The following GNG7 variants were observed in gnomAD, a reference collection of about 807,000 sequenced individuals.
GNG7 encodes the protein G protein subunit gamma 7.
GNG7 carries 1 observed loss-of-function variant against 4.0 expected under a neutral mutation model. That is an observed-to-expected ratio of 0.25 (90% confidence interval 0.09 to 1.18). GNG7 has a LOEUF of 1.18. Among genes scored for constraint, GNG7 ranks in the 50% most tolerant of loss-of-function variants. The pLI is 0.50. For missense variants in GNG7, 86 were observed against 91.9 expected (o/e 0.94, Z 0.26); for synonymous variants, 34 against 36.9 (o/e 0.92, Z 0.29).
At chr19:2,665,602 G>A (rs1345743138) in intron 1 of GNG7, among the ~76,000 whole-genome samples, 1 of 152,230 alleles carries the variant, frequency 6.6e-6, no homozygotes, top group Non-Finnish European at 1.5e-5. Flanking sequence ...CCAAGGTGGA[G>A]TGCTGGACAA....
At position 2,554,005 on chromosome 19, in the gene GNG7, ATATAT is replaced by A. The variant is rs1237967223; in HGVS notation, c.-38+1139_-38+1143del. Among the ~76,000 whole-genome samples the A allele has an allele frequency of 8.2e-5, 12 of 146,684 alleles. No homozygotes were observed. The East Asian group carries it at 1.2e-3, about 14-fold the overall frequency. ...TATGTAATATATATTACACATATGT[ATATAT>A]TATATGTATATATGTATACACAGTG... On this transcript the variant is annotated intron_variant, in intron 3 of 4. Coordinates refer to ENST00000382159, the MANE Select transcript of GNG7 (RefSeq NM_052847.3).
chr19:2,649,390 A>AATTATTATTATTATT (rs142328153), intron 1 of GNG7, among the ~76,000 whole-genome samples: 127 of 145,840 alleles, frequency 8.7e-4, no homozygotes, highest in South Asian at 4.0e-3. Flanking sequence ...CACCCCTAGG[A>AATTATTATTATTATT]ATTATTATTA....
intron 2 of GNG7, among the ~76,000 whole-genome samples, chr19:2,583,414 C>T (rs956426248): frequency 6.6e-6 from 1 of 152,292 alleles, no homozygotes; most frequent in South Asian, 2.1e-4. Context: ...GTCTTGCAGC[C>T]GTCTTCATGG....
intron 1 of GNG7, among the ~76,000 whole-genome samples, chr19:2,675,777 G>A (rs529551436): frequency 3.3e-5 from 5 of 152,298 alleles, no homozygotes; most frequent in Admixed American, 6.5e-5. Context: ...CAGGGACACT[G>A]CTCAGCACCC....
At chr19:2,606,384 G>A (rs982751044) in intron 2 of GNG7, among the ~76,000 whole-genome samples, 2 of 152,082 alleles carry the variant, frequency 1.3e-5, no homozygotes, top group Admixed American at 6.6e-5. Context: ...GCCAGGTGCA[G>A]TGGCTCATGC....
chr19:2,653,641 G>C lies in GNG7; in HGVS notation c.-134-7361C>G, dbSNP rs1982887156. On this transcript the variant is annotated intron_variant, in intron 1 of 4. Coordinates refer to ENST00000382159, the MANE Select transcript of GNG7 (RefSeq NM_052847.3). This position sits in a 1 kb window ranked among gnomAD's most constrained non-coding sequence, Gnocchi z 4.8. ...CTGGGGTGGGGCTGTCCTGGGCACT[G>C]CGGGGAGCTGAGCAGCGTCCCTGGC... Among the ~76,000 whole-genome samples, 4 of 152,194 alleles carry C rather than the reference G, an allele frequency of 2.6e-5. No homozygotes were observed.
intron 2 of GNG7, among the ~76,000 whole-genome samples, chr19:2,574,736 C>A (rs1304666839): frequency 6.6e-6 from 1 of 152,060 alleles, no homozygotes; most frequent in Non-Finnish European, 1.5e-5. Context: ...TGGGGTCTAT[C>A]CCCAGGAGTG....
At chr19:2,690,542 C>A (rs761856154) in intron 1 of GNG7, among the ~76,000 whole-genome samples, 6 of 152,110 alleles carry the variant, frequency 3.9e-5, no homozygotes, top group African/African-American at 1.2e-4. Flanking sequence ...TTCTAAGATT[C>A]TCTGATTACA....
rs73516638 is a variant in GNG7 at position 2,527,331 on chromosome 19, G to A, written c.-37-6606C>T. On this transcript the variant is annotated intron_variant, in intron 3 of 4. Transcript: ENST00000382159. ...TCACTCAGACGGCACCACTCCCACC[G>A]GCCCTCATCTGGGGGTGCAGAGGGA... Among the ~76,000 whole-genome samples the A allele has an allele frequency of 9.8e-3, 1,498 of 152,196 alleles. 23 individuals carry two copies. The highest frequency in any genetic ancestry group is 0.027 in the African/African-American group (1,131 of 41,514).
At chr19:2,580,038 C>A (rs961082754) in intron 2 of GNG7, among the ~76,000 whole-genome samples, 2 of 152,092 alleles carry the variant, frequency 1.3e-5, no homozygotes, top group African/African-American at 4.8e-5. Flanking sequence ...TTAAAAAAAA[C>A]CATTGCACCC....
At chr19:2,562,994 G>C (rs1455736842) in intron 2 of GNG7, among the ~76,000 whole-genome samples, 2 of 151,982 alleles carry the variant, frequency 1.3e-5, no homozygotes, top group South Asian at 4.1e-4. Context: ...GCCCAGGCTG[G>C]AGTGCAGTGG....
At chr19:2,592,948 A>T (rs1980894076) in intron 2 of GNG7, among the ~76,000 whole-genome samples, 1 of 139,062 alleles carries the variant, frequency 7.2e-6, no homozygotes. Context: ...GGAAGGAAGG[A>T]CGGAAGAAAG....
intron 3 of GNG7, among the ~76,000 whole-genome samples, chr19:2,553,879 T>C (rs1347238347): frequency 1.4e-5 from 2 of 146,990 alleles, no homozygotes; most frequent in East Asian, 1.9e-4. Context: ...ATTGCATACA[T>C]GTACATATTC....
At chr19:2,536,952 A>T (rs183472970) in intron 3 of GNG7, among the ~76,000 whole-genome samples, 11,820 of 108,496 alleles carry the variant, frequency 0.11, 551 homozygotes, top group Middle Eastern at 0.17. Flanking sequence ...TTTTATTTTT[A>T]TTTTTTTTTT....
intron 3 of GNG7, among the ~76,000 whole-genome samples, chr19:2,525,196 C>T (rs1328784100): frequency 1.3e-5 from 2 of 152,096 alleles, no homozygotes; most frequent in South Asian, 2.1e-4. Context: ...GGCCCGTGGC[C>T]CGGGGAAGCT....
At chr19:2,570,379 A>C (rs1320514617) in intron 2 of GNG7, among the ~76,000 whole-genome samples, 1 of 152,148 alleles carries the variant, frequency 6.6e-6, no homozygotes, top group Non-Finnish European at 1.5e-5. Context: ...ATAGCAACAC[A>C]AAACAGACTA....
At chr19:2,564,193 CT>C (rs1248019040) in intron 2 of GNG7, among the ~76,000 whole-genome samples, 1 of 152,130 alleles carries the variant, frequency 6.6e-6, no homozygotes, top group Non-Finnish European at 1.5e-5. Flanking sequence ...GAGATGGGGT[CT>C]CTGCAGATGG....
intron 2 of GNG7, among the ~76,000 whole-genome samples, chr19:2,571,992 C>G (rs769404884): frequency 6.6e-6 from 1 of 151,982 alleles, no homozygotes; most frequent in African/African-American, 2.4e-5. Context: ...GCCACATTGT[C>G]CCTCTCTCTT....
At chr19:2,656,029 C>CAAAAAAAAAAAAAAAAA (rs55687607) in intron 1 of GNG7, among the ~76,000 whole-genome samples, 1 of 98,084 alleles carries the variant, frequency 1.0e-5, no homozygotes, top group Non-Finnish European at 2.1e-5. Flanking sequence ...CGATTCAAAA[C>CAAAAAAAAAAAAAAAAA]AAAAAAAAAA....
Sources: allele counts gnomAD v4.1 joint callset (sites outside exome capture counted in the v4.1 genomes callset), GRCh38; gene constraint gnomAD v4.1.1; non-coding constraint Gnocchi (gnomAD v3.1); transcripts MANE v1.5; gene names NCBI Gene and HGNC (gene_info 2026-07-23, HGNC 2026-07-21).